Variants in MORN3 observed in about 807,000 individuals in gnomAD.
MORN3 encodes MORN repeat-containing protein 3.
MORN3 carries 38 observed loss-of-function variants against 34.7 expected under a neutral mutation model. That is an observed-to-expected ratio of 1.10 (90% CI 0.85 to 1.44). The LOEUF is 1.44. Ranked by LOEUF, MORN3 falls within the 40% of genes most tolerant of loss-of-function variation. The pLI is 0.00. For missense variants in MORN3, 311 were observed against 321.7 expected (o/e 0.97, Z 0.25); for synonymous variants, 109 against 115.3 (o/e 0.95, Z 0.35).
chr12:121,672,194 G>C (rs1447594869), upstream of MORN3, among the ~76,000 whole-genome samples: 1 of 151,906 alleles, frequency 6.6e-6, no homozygotes, highest in Non-Finnish European at 1.5e-5. Context: ...CATGGGGGCT[G>C]CCGCCTGCAA....
chr12:121,653,455 A>G (rs986161490), intron 3 of MORN3, among the ~76,000 whole-genome samples, 196 bp from the exon 4 acceptor site: 36 of 152,224 alleles, frequency 2.4e-4, no homozygotes, highest in Non-Finnish European at 7.4e-5. Flanking sequence ...AATTTTTTTA[A>G]TTAGCTGGGC....
chr12:121,655,420 C>T (rs1192683781), intron 2 of MORN3, among the ~76,000 whole-genome samples: 1 of 151,838 alleles, frequency 6.6e-6, no homozygotes, highest in East Asian at 1.9e-4. Context: ...AACATAAACA[C>T]CATACTTAGC....
upstream of MORN3, among the ~76,000 whole-genome samples, chr12:121,670,502 T>C (rs147399849): frequency 3.9e-5 from 6 of 152,234 alleles, no homozygotes; most frequent in East Asian, 1.2e-3. Flanking sequence ...TTTAAAAAAA[T>C]CAATACATAT....
intron 1 of MORN3, 140 bp downstream of exon 1, chr12:121,669,199 G>T: frequency 9.1e-7 from 1 of 1,102,816 alleles, no homozygotes; most frequent in Non-Finnish European, 1.3e-6. Context: ...CCCCCAGCTG[G>T]CCTGGGCCAG....
intron 2 of MORN3, among the ~76,000 whole-genome samples, chr12:121,655,209 C>T (rs1458694434): frequency 1.3e-5 from 2 of 151,434 alleles, no homozygotes; most frequent in African/African-American, 4.9e-5. Flanking sequence ...ATTAGCTGGG[C>T]GTGATGGCGG....
chr12:121,670,505 A>G (rs1378325802), upstream of MORN3, among the ~76,000 whole-genome samples: 4 of 152,214 alleles, frequency 2.6e-5, no homozygotes, highest in Non-Finnish European at 5.9e-5. Flanking sequence ...AAAAAAATCA[A>G]TACATATATT....
At chr12:121,667,507 G>A (rs544528133) in intron 1 of MORN3, among the ~76,000 whole-genome samples, 2 of 152,004 alleles carry the variant, frequency 1.3e-5, no homozygotes, top group South Asian at 2.1e-4. Context: ...TGCCTGCCTC[G>A]GCCTCTCAAA....
chr12:121,653,514 A>C (rs1439323769), intron 3 of MORN3, among the ~76,000 whole-genome samples: 1 of 152,128 alleles, frequency 6.6e-6, no homozygotes, highest in Non-Finnish European at 1.5e-5. Context: ...CTGAGGTGGG[A>C]GGATGGCTTG....
At chr12:121,660,333 CT>C (rs796851295) in intron 1 of MORN3, among the ~76,000 whole-genome samples, 2,829 of 142,510 alleles carry the variant, frequency 0.02, 108 homozygotes, top group African/African-American at 0.074. Context: ...ACTGTTTTCT[CT>C]TTTTTTTTCT....
chr12:121,670,041 T>C (rs1000124103), upstream of MORN3, among the ~76,000 whole-genome samples: 1 of 151,576 alleles, frequency 6.6e-6, no homozygotes, highest in African/African-American at 2.4e-5. Context: ...GCCTGGCTAA[T>C]TTTTGTATTT....
intron 1 of MORN3, among the ~76,000 whole-genome samples, chr12:121,663,947 C>A (rs1293804502): frequency 6.6e-6 from 1 of 152,012 alleles, no homozygotes; most frequent in Non-Finnish European, 1.5e-5. Flanking sequence ...ACTCTAAACC[C>A]CCAAGGTTTG....
chr12:121,650,614 C>T lies in MORN3; in HGVS notation c.*1037G>A, dbSNP rs1054769138. 6.6e-6 allele frequency: 1 copy of T among 150,620 alleles called. No homozygotes were observed. The highest frequency in any genetic ancestry group is 1.5e-5 in the Non-Finnish European group (1 of 67,926). 9.3% of individuals were successfully genotyped at this position (150,620 alleles called of 1,614,324 possible). On this transcript the variant is annotated 3_prime_UTR_variant, in exon 6 of 6. Coordinates refer to ENST00000355329, the MANE Select transcript of MORN3 (RefSeq NM_173855.5). ...TTAGGAGACTGAGCGGGGCAGATCA[C>T]GAGGTCAGGAGTTCAAGACCAGCCT...
intron 1 of MORN3, among the ~76,000 whole-genome samples, chr12:121,665,267 C>CTTTT (rs1893708282): frequency 1.9e-5 from 1 of 53,250 alleles, no homozygotes; most frequent in Non-Finnish European, 4.2e-5. Context: ...CTCGCGTTTT[C>CTTTT]TTTTTCTTTC....
At chr12:121,654,683 C>T (rs782564399) in intron 2 of MORN3, among the ~76,000 whole-genome samples, 3 of 151,866 alleles carry the variant, frequency 2.0e-5, no homozygotes, top group Non-Finnish European at 4.4e-5. Context: ...CTGTAACCTC[C>T]GTCCCCCGGG....
chr12:121,654,390 C>G lies in MORN3; in HGVS notation c.347G>C (p.Gly116Ala). The change falls in exon 3 of 6, where the codon GGT becomes GCT. Residue 116 changes from glycine (G) to alanine (A), a missense_variant. Coordinates refer to ENST00000355329, the MANE Select transcript of MORN3 (RefSeq NM_173855.5). ...GCTGCGCTGGCTGCCACACCAGTCACCCTCATAATACTCCTTGGGTCCGAA... is the reference window on the plus strand; with the variant it reads ...GCTGCGCTGGCTGCCACACCAGTCAGCCTCATAATACTCCTTGGGTCCGAA... ...QFFGPKEYYE[G>A]DWCGSQRSGW... 6.2e-7 allele frequency: 1 copy of G among 1,601,666 alleles called. No homozygotes were observed. The highest frequency in any genetic ancestry group is 8.5e-7 in the Non-Finnish European group (1 of 1,174,486).
intron 1 of MORN3, among the ~76,000 whole-genome samples, chr12:121,666,926 T>C (rs1348945276): frequency 6.6e-6 from 1 of 150,714 alleles, no homozygotes; most frequent in Non-Finnish European, 1.5e-5. Flanking sequence ...ATGATCTGAC[T>C]ACCCTTCTTC....
At chr12:121,657,505 TC>T (rs1594225760) in intron 2 of MORN3, among the ~76,000 whole-genome samples, 1 of 151,994 alleles carries the variant, frequency 6.6e-6, no homozygotes, top group East Asian at 1.9e-4. Flanking sequence ...GCTTACTCTT[TC>T]CCCCACCCAC....
chr12:121,649,557 C>G lies in MORN3; in HGVS notation c.*2094G>C, dbSNP rs1555324801. The G allele has an allele frequency of 6.6e-6, 1 of 152,068 alleles. No homozygotes were observed. Among genetic ancestry groups the G allele is most frequent in the Non-Finnish European group, 1.5e-5 (1 of 68,016 alleles). 9.4% of individuals were successfully genotyped at this position (152,068 alleles called of 1,614,324 possible). ...AGTGCCAGAGGTACAGACTGAGAAC[C>G]ACACCCTTGGTGAGGCCACCCTACT... On this transcript the variant is annotated 3_prime_UTR_variant, in exon 6 of 6. Transcript: ENST00000355329.
chr12:121,663,767 AT>A (rs58118256), intron 1 of MORN3, among the ~76,000 whole-genome samples: 9 of 147,970 alleles, frequency 6.1e-5, no homozygotes, highest in Admixed American at 2.7e-4. Flanking sequence ...TTATTTTTTT[AT>A]TTTTTTTTTC....
Sources: gnomAD v4.1 joint callset for allele counts (sites outside exome capture counted in the v4.1 genomes callset) on GRCh38, gnomAD v4.1.1 for gene constraint, MANE v1.5 for transcripts, NCBI Gene and HGNC (gene_info 2026-07-23, HGNC 2026-07-21) for gene names.